The following BHMT variants were observed in gnomAD, a reference collection of about 807,000 sequenced individuals.
BHMT encodes the protein betaine--homocysteine S-methyltransferase 1.
Under a neutral mutation model 49.5 loss-of-function variants are expected in BHMT, and 38 were observed. The ratio of observed to expected loss-of-function variants is 0.77; its 90% confidence interval spans 0.59 to 1.01. The LOEUF (loss-of-function observed/expected upper bound fraction) is 1.01, where lower values mean the gene tolerates loss of function less well. BHMT is among the 50% of genes least tolerant of loss of function. BHMT has a pLI of 0.00. For missense variants in BHMT, 426 were observed against 495.7 expected, an observed-to-expected ratio of 0.86 and a Z score of 1.34; for synonymous variants, 166 against 176.3, an observed-to-expected ratio of 0.94 and a Z score of 0.46.
chr5:79,126,729 A>G (rs1460991512), intron 6 of BHMT, among the ~76,000 whole-genome samples: 3 of 152,144 alleles, frequency 2.0e-5, no homozygotes, highest in Admixed American at 6.5e-5. Context: ...GCAAGATACC[A>G]TCATCGAGTG....
intron 7 of BHMT, among the ~76,000 whole-genome samples, chr5:79,130,372 T>A (rs1026279711): frequency 1.4e-4 from 21 of 152,198 alleles, no homozygotes; most frequent in Admixed American, 3.3e-4. Context: ...CCATTGTTAA[T>A]GAGGCAGATG....
intron 1 of BHMT, among the ~76,000 whole-genome samples, chr5:79,115,233 T>C (rs1580268051): frequency 6.6e-6 from 1 of 150,536 alleles, no homozygotes; most frequent in South Asian, 2.1e-4. Context: ...CTGGGGAGGG[T>C]GAGACTGGAG....
rs148520232 is a variant in BHMT at position 79,121,308 on chromosome 5, G to A, written c.568G>A (p.Glu190Lys). Residue 190 changes from glutamate to lysine, a missense_variant, in exon 5 of 8, where the codon GAA (glutamate) becomes AAA (lysine). Coordinates refer to ENST00000274353, the MANE Select transcript of BHMT (RefSeq NM_001713.3). Reference protein sequence around the residue: ...PVAATMCIGPEGDLHGVPPGE... With the variant: ...PVAATMCIGPKGDLHGVPPGE... The stretch of plus-strand genomic sequence containing the variant: ...GGCAGCAACCATGTGCATTGGCCCA[G>A]AAGGAGATTTGCATGGCGTGCCCCC... 3.7e-5 allele frequency: 59 copies of A among 1,614,234 alleles called. No homozygotes were observed. In the African/African-American group the frequency reaches 6.7e-4, roughly 18 times the overall value.
At chr5:79,122,499 C>G (rs760061753) in intron 5 of BHMT, among the ~76,000 whole-genome samples, 3 of 151,662 alleles carry the variant, frequency 2.0e-5, no homozygotes, top group Non-Finnish European at 4.4e-5. Flanking sequence ...AATAAATAGC[C>G]AACATATTAT....
In BHMT at chr5:79,119,325, C is replaced by A. The variant is rs193083153; in HGVS notation, c.233C>A (p.Ala78Glu). ...GTCATGCAGACCTTCACCTTCTATG[C>A]GAGTGAAGACAAGCTGGAGAACAGG... ...SNVMQTFTFY[A>E]SEDKLENRGN... The change falls in exon 3 of 8, where the codon GCG (alanine) becomes GAG (glutamate). Residue 78 changes from alanine to glutamate, a missense_variant. Around this residue, in one of 3 missense-constraint regions of BHMT, gnomAD observed 321 missense variants for 355.9 expected, o/e 0.90. Coordinates refer to ENST00000274353, the MANE Select transcript of BHMT (RefSeq NM_001713.3). The A allele has an allele frequency of 9.9e-6, 16 of 1,613,906 alleles. No individual in the cohort carries two copies. The highest frequency in any genetic ancestry group is 1.3e-5 in the African/African-American group (1 of 74,900).
At position 79,115,843 on chromosome 5, in the gene BHMT, G is replaced by A. The variant is rs1756379198; in HGVS notation, c.110G>A (p.Gly37Asp). Reference protein sequence around the residue: ...GGFVFALEKRGYVKAGPWTPE... With the variant: ...GGFVFALEKRDYVKAGPWTPE... ...TTTGTCTTTGCACTGGAGAAGAGGG[G>A]CTACGTAAAGGCAGGACCCTGGACT... Residue 37 changes from glycine (G) to aspartate (D), a missense_variant, in exon 2 of 8, where the codon GGC becomes GAC. Around this residue, in one of 3 missense-constraint regions of BHMT, gnomAD observed 321 missense variants for 355.9 expected, o/e 0.90. Coordinates refer to ENST00000274353, the MANE Select transcript of BHMT (RefSeq NM_001713.3). The A allele has an allele frequency of 1.9e-6, 3 of 1,614,068 alleles. No individual in the cohort carries two copies. Among genetic ancestry groups the A allele is most frequent in the Non-Finnish European group, 2.5e-6 (3 of 1,179,960 alleles).
chr5:79,128,012 A>G, intron 7 of BHMT, 29 bp downstream of exon 7: 6 of 1,580,510 alleles, frequency 3.8e-6, no homozygotes, highest in Non-Finnish European at 4.3e-6. Context: ...ACCCAAACTA[A>G]TTTAGATTAT....
chr5:79,130,490 C>T (rs955119641), intron 7 of BHMT, among the ~76,000 whole-genome samples: 3 of 151,942 alleles, frequency 2.0e-5, no homozygotes, highest in Non-Finnish European at 4.4e-5. Context: ...ATACAGTGTA[C>T]AGTAACCTTT....
At chr5:79,123,744 G>A (rs1006690756) in intron 5 of BHMT, among the ~76,000 whole-genome samples, 1 of 152,050 alleles carries the variant, frequency 6.6e-6, no homozygotes, top group Non-Finnish European at 1.5e-5. Context: ...TAGAGACGGG[G>A]TTTCACCATG....
chr5:79,127,800 C>T lies in BHMT; in HGVS notation c.854C>T (p.Ala285Val), dbSNP rs911828148. The T allele has an allele frequency of 1.2e-5, 19 of 1,613,962 alleles. No homozygotes were observed. Among genetic ancestry groups the T allele is most frequent in the Non-Finnish European group, 1.5e-5 (18 of 1,179,984 alleles). ...ACCAGATGGGATATTCAAAAATACG[C>T]CAGAGAGGCCTACAACCTGGGGGTC... Reference protein sequence around the residue: ...VATRWDIQKYAREAYNLGVRY... With the variant: ...VATRWDIQKYVREAYNLGVRY... The change falls in exon 7 of 8, where the codon GCC (alanine) becomes GTC (valine). Residue 285 changes from alanine (A) to valine (V), a missense_variant. Around this residue, in one of 3 missense-constraint regions of BHMT, gnomAD observed 321 missense variants for 355.9 expected, o/e 0.90. Transcript: ENST00000274353.
chr5:79,120,597 C>T, intron 4 of BHMT, 56 bp downstream of exon 4: 9 of 1,495,348 alleles, frequency 6.0e-6, no homozygotes, highest in Non-Finnish European at 8.1e-6. Context: ...TTTTCTCTAC[C>T]TTTTGCTTTC....
intron 5 of BHMT, among the ~76,000 whole-genome samples, chr5:79,122,626 A>G (rs1049345124): frequency 1.2e-4 from 19 of 152,132 alleles, no homozygotes; most frequent in African/African-American, 4.6e-4. Flanking sequence ...GTTGATATCA[A>G]TGATCTTCCC....
intron 1 of BHMT, among the ~76,000 whole-genome samples, 170 bp from the exon 2 acceptor site, chr5:79,115,597 G>A (rs367619861): frequency 7.2e-5 from 11 of 152,068 alleles, no homozygotes; most frequent in African/African-American, 2.4e-4. Context: ...TGAGCATTCT[G>A]GTTGTTTGTC....
intron 6 of BHMT, among the ~76,000 whole-genome samples, chr5:79,127,264 T>C (rs907009354): frequency 6.6e-6 from 1 of 152,184 alleles, no homozygotes; most frequent in Non-Finnish European, 1.5e-5. Context: ...TGGGAGTTAG[T>C]GTCAGTTTCT....
At position 79,115,758 on chromosome 5, in the gene BHMT, T is replaced by G. The variant is rs1457260173; in HGVS notation, c.34-9T>G. 1 of 1,586,884 alleles carries G rather than the reference T, an allele frequency of 6.3e-7. No homozygotes were observed. Among genetic ancestry groups the G allele is most frequent in the African/African-American group, 1.4e-5 (1 of 73,952 alleles). On this transcript the variant is annotated splice_polypyrimidine_tract_variant and intron_variant, in intron 1 of 7. Coordinates refer to ENST00000274353, the MANE Select transcript of BHMT (RefSeq NM_001713.3). ...GTAACTCCTTTTCCTCCCTCATCTGTAATTTTAGGGCATCCTAGAACGTTT... is the reference window on the plus strand; with the variant it reads ...GTAACTCCTTTTCCTCCCTCATCTGGAATTTTAGGGCATCCTAGAACGTTT...
intron 6 of BHMT, 62 bp downstream of exon 6, chr5:79,126,290 T>G: frequency 6.4e-7 from 1 of 1,552,316 alleles, no homozygotes; most frequent in East Asian, 2.3e-5. Context: ...TAAACTCAAG[T>G]AAATCTATAC....
At chr5:79,115,722 TA>T in intron 1 of BHMT, 44 bp from the exon 2 acceptor site, 1 of 1,517,014 alleles carries the variant, frequency 6.6e-7, no homozygotes, top group South Asian at 1.3e-5. Context: ...AAAATTATCT[TA>T]AACACTCAAG....
chr5:79,112,985 C>G (rs996861274), intron 1 of BHMT, among the ~76,000 whole-genome samples: 1 of 152,200 alleles, frequency 6.6e-6, no homozygotes, highest in Non-Finnish European at 1.5e-5. Context: ...CCAACTGTAT[C>G]CTCTGGGCTG....
intron 2 of BHMT, among the ~76,000 whole-genome samples, chr5:79,118,829 C>G (rs1001487749): frequency 1.3e-5 from 2 of 152,176 alleles, no homozygotes; most frequent in Non-Finnish European, 2.9e-5. Context: ...ACCTCCTTCG[C>G]CCCCTTGCCC....
Sources: gnomAD v4.1 joint callset for allele counts (sites outside exome capture counted in the v4.1 genomes callset) on GRCh38, gnomAD v4.1.1 for gene constraint, gnomAD v4.1.1 regional missense constraint, MANE v1.5 for transcripts, NCBI Gene and HGNC (gene_info 2026-07-23, HGNC 2026-07-21) for gene names.